Variants in KIF21B observed in about 807,000 individuals in gnomAD.
KIF21B encodes the protein kinesin-like protein KIF21B.
Under a neutral mutation model 192.9 loss-of-function variants are expected in KIF21B, and 85 were observed. That is an observed-to-expected ratio of 0.44 (90% CI 0.37 to 0.53). The LOEUF is 0.53. Among genes scored for constraint, KIF21B ranks in the 20% least tolerant of loss-of-function variants. KIF21B has a pLI of 0.00. For missense variants in KIF21B, 1,716 were observed against 2,194.8 expected (o/e 0.78, Z 4.36); for synonymous variants, 832 against 884.6 (o/e 0.94, Z 1.05).
In KIF21B at chr1:200,974,570, G is replaced by C. The variant is rs902183647; in HGVS notation, c.4814+144C>G. On this transcript the variant is annotated intron_variant, in intron 34 of 34. Transcript: ENST00000461742. ...CTCACTGAAGGCTGGCACAGGCTAG[G>C]TATGCAAAGGAGGCCACCATGGAAT... The C allele has an allele frequency of 3.8e-5, 31 of 810,294 alleles. No homozygotes were observed. In the East Asian group the frequency reaches 7.9e-4, roughly 21 times the overall value. The allele number at this position is 810,294 out of a possible 1,614,324, so 50.2% of individuals were successfully genotyped here. A position where few individuals can be genotyped will look rare whatever the true frequency, so the allele number is the denominator to read the frequency against.
In KIF21B at chr1:200,973,466, A is replaced by G. The variant is rs1655332839; in HGVS notation, c.*55T>C. The G allele has an allele frequency of 2.9e-6, 4 of 1,395,830 alleles. No individual in the cohort carries two copies. Among genetic ancestry groups the G allele is most frequent in the Non-Finnish European group, 3.7e-6 (4 of 1,083,098 alleles). The allele number at this position is 1,395,830 out of a possible 1,614,324, so 86.5% of individuals were successfully genotyped here. On this transcript the variant is annotated 3_prime_UTR_variant, in exon 35 of 35. Transcript: ENST00000461742. ...TCGGCCGGGTCACAGCTTCCCTTCC[A>G]TGGTGTCCAGGCTGCTGGGGTCGAG...
chr1:200,983,470 T>C (rs550028853), intron 27 of KIF21B, among the ~76,000 whole-genome samples: 145 of 152,248 alleles, frequency 9.5e-4, no homozygotes, highest in African/African-American at 3.3e-3. Flanking sequence ...ACCCCAGCAA[T>C]GCTCATACCT....
At position 200,997,920 on chromosome 1, in the gene KIF21B, T is replaced by C. The variant is rs534240582; in HGVS notation, c.2077+464A>G. Reference sequence around the variant, plus strand: ...AGAGCAGGGATTCTGTCCACTCCAATATCTCTAGCACTAGAACAATGTCTG... The same window carrying C: ...AGAGCAGGGATTCTGTCCACTCCAACATCTCTAGCACTAGAACAATGTCTG... On this transcript the variant is annotated intron_variant, in intron 14 of 34. Coordinates refer to ENST00000461742, the MANE Select transcript of KIF21B (RefSeq NM_001252102.2). Among the ~76,000 whole-genome samples the C allele has an allele frequency of 4.6e-5, 7 of 152,334 alleles. No homozygotes were observed. The South Asian group carries it at 1.5e-3, about 32-fold the overall frequency.
At chr1:200,979,017 A>C (rs1386465742) in intron 30 of KIF21B, among the ~76,000 whole-genome samples, 5 of 152,244 alleles carry the variant, frequency 3.3e-5, no homozygotes, top group African/African-American at 1.2e-4. Context: ...TCAAATTAAT[A>C]GACTGTAGCT....
intron 15 of KIF21B, among the ~76,000 whole-genome samples, chr1:200,995,473 A>G (rs1387818583): frequency 6.6e-6 from 1 of 152,216 alleles, no homozygotes; most frequent in South Asian, 2.1e-4. Context: ...CACACCAGAC[A>G]CTGGAAACAC....
rs779310643 is a variant in KIF21B, at chr1:200,999,399, G to C, written c.1835C>G (p.Ser612Trp). 6.2e-7 allele frequency: 1 copy of C among 1,614,060 alleles called. No individual in the cohort carries two copies. The highest frequency in any genetic ancestry group is 8.5e-7 in the Non-Finnish European group (1 of 1,180,016). ...EEGREDEDED[S>W]GSEESLVDSD... ...GTCCACCAGGCTCTCTTCACTGCCCGAGTCCTCATCTTCATCCTCGCGCCC... is the reference window on the plus strand; with the variant it reads ...GTCCACCAGGCTCTCTTCACTGCCCCAGTCCTCATCTTCATCCTCGCGCCC... Residue 612 changes from serine to tryptophan, a missense_variant, in exon 13 of 35, where the codon TCG (serine) becomes TGG (tryptophan). Physicochemically the swap from Ser to Trp is radical, Grantham distance 177. This residue lies in a region of KIF21B where 1,087 missense variants were observed against 1,316.6 expected (regional missense o/e 0.83). Coordinates refer to ENST00000461742, the MANE Select transcript of KIF21B (RefSeq NM_001252102.2). This position sits in a 1 kb window ranked among gnomAD's most constrained non-coding sequence, Gnocchi z 4.7.
intron 28 of KIF21B, 53 bp downstream of exon 28, chr1:200,983,003 G>C: frequency 2.0e-6 from 3 of 1,482,162 alleles, no homozygotes; most frequent in Non-Finnish European, 2.7e-6. Context: ...AGAGAAGAGA[G>C]GGTGCCGAGA....
At chr1:200,996,129 G>A (rs1307582405) in intron 15 of KIF21B, 67 bp downstream of exon 15, 4 of 1,414,446 alleles carry the variant, frequency 2.8e-6, no homozygotes, top group South Asian at 1.2e-5. Flanking sequence ...TTTTTACGAT[G>A]GTGAGTGGAT....
chr1:200,998,132 G>T lies in KIF21B; in HGVS notation c.2077+252C>A, dbSNP rs1334375195. The stretch of plus-strand genomic sequence containing the variant: ...AAGGCTGGGAGTGTCATGTTCGCGT[G>T]CCTAGGTATATAAAGAATTCTAATA... On this transcript the variant is annotated intron_variant, in intron 14 of 34. Coordinates refer to ENST00000461742, the MANE Select transcript of KIF21B (RefSeq NM_001252102.2). This position sits in a 1 kb window ranked among gnomAD's most constrained non-coding sequence, Gnocchi z 4.3. 2.0e-5 allele frequency among the ~76,000 whole-genome samples: 3 copies of T among 152,144 alleles called. No individual in the cohort carries two copies. The highest frequency in any genetic ancestry group is 7.2e-5 in the African/African-American group (3 of 41,432).
rs756584385 is a variant in KIF21B, at chr1:200,987,148, G to A, written c.3462C>T (p.Gly1154=). 4.3e-6 allele frequency: 7 copies of A among 1,613,898 alleles called. No individual in the cohort carries two copies. The East Asian group carries it at 1.1e-4, about 26-fold the overall frequency. ...TCTTGGTGGAGATATCCAGTGGGGG[G>A]CCCAGGCACTCAGCCGACACAGCTT... ...QMKAVSAECL[G]PPLDISTKNI... is the part of the protein sequence containing the mutation. The change falls in exon 25 of 35, where the codon GGC becomes GGT. Residue 1154 remains glycine (G), a synonymous_variant. Transcript: ENST00000461742.
In KIF21B at chr1:200,976,771, G is replaced by C; in HGVS notation, c.4443+5C>G. On this transcript the variant is annotated splice_donor_5th_base_variant and intron_variant, in intron 32 of 34. Transcript: ENST00000461742. ...GCCCCGACCCAGGCCTCATAGCTGA[G>C]GTACCTTAACGTAGTGGTCCTTGGA... 6.3e-7 allele frequency: 1 copy of C among 1,594,834 alleles called. No homozygotes were observed. Among genetic ancestry groups the C allele is most frequent in the Non-Finnish European group, 8.6e-7 (1 of 1,164,010 alleles).
chr1:201,009,189 A>C (rs1470412325), intron 2 of KIF21B, 77 bp downstream of exon 2: 1 of 1,395,852 alleles, frequency 7.2e-7, no homozygotes, highest in Non-Finnish European at 9.9e-7. Flanking sequence ...AGCTGCTCTG[A>C]AGGTGGAGCT....
At chr1:200,980,406 C>T (rs1655838005) in intron 29 of KIF21B, among the ~76,000 whole-genome samples, 1 of 152,224 alleles carries the variant, frequency 6.6e-6, no homozygotes, top group African/African-American at 2.4e-5. Context: ...AGGCACATGT[C>T]ATTGTGACTA....
At chr1:201,002,399 G>GC (rs57886383) in intron 8 of KIF21B, 49 bp from the exon 9 acceptor site, 4 of 1,526,364 alleles carry the variant, frequency 2.6e-6, no homozygotes, top group East Asian at 4.8e-5. Flanking sequence ...GCTCGCGGTT[G>GC]GGGGGGTAAG....
chr1:200,989,912 G>T (rs1475046511), intron 21 of KIF21B, 30 bp downstream of exon 21: 1 of 1,550,766 alleles, frequency 6.4e-7, no homozygotes, highest in South Asian at 1.1e-5. Flanking sequence ...TGCCCATAGA[G>T]CCCCCTGCCC....
At chr1:200,992,480 GC>G in intron 15 of KIF21B, 91 bp from the exon 16 acceptor site, 1 of 1,342,606 alleles carries the variant, frequency 7.4e-7, no homozygotes, top group Non-Finnish European at 1.1e-6. Flanking sequence ...AGGGCATGGG[GC>G]AGGGATAGTG....
At chr1:201,011,939 G>C (rs554071456) in intron 1 of KIF21B, among the ~76,000 whole-genome samples, 22 of 152,366 alleles carry the variant, frequency 1.4e-4, no homozygotes, top group Admixed American at 3.3e-4. Flanking sequence ...AGCCCTGCTT[G>C]TCAGAGCCCT....
chr1:200,999,183 G>A lies in KIF21B; in HGVS notation c.1885+166C>T, dbSNP rs542284613. The stretch of plus-strand genomic sequence containing the variant: ...TGCCTGGCACCTAATGAACGACCAG[G>A]AAGTGTTTGCCATCATTCTCATCAT... On this transcript the variant is annotated intron_variant, in intron 13 of 34. Coordinates refer to ENST00000461742, the MANE Select transcript of KIF21B (RefSeq NM_001252102.2). The surrounding 1 kb of genome is among the most constrained non-coding windows in gnomAD (Gnocchi z 4.7). Among the ~76,000 whole-genome samples the A allele has an allele frequency of 2.0e-5, 3 of 152,178 alleles. No individual in the cohort carries two copies. Among genetic ancestry groups the A allele is most frequent in the Non-Finnish European group, 4.4e-5 (3 of 68,024 alleles).
intron 21 of KIF21B, 137 bp from the exon 22 acceptor site, chr1:200,989,068 C>G (rs1275982823): frequency 3.5e-6 from 3 of 849,388 alleles, no homozygotes; most frequent in Non-Finnish European, 5.3e-6. Context: ...CTGGCACAGA[C>G]CTGAGAGCAC....
Sources: gnomAD v4.1 joint callset for allele counts (sites outside exome capture counted in the v4.1 genomes callset) on GRCh38, gnomAD v4.1.1 for gene constraint, gnomAD v4.1.1 regional missense constraint, Gnocchi (gnomAD v3.1) non-coding constraint, MANE v1.5 for transcripts, NCBI Gene and HGNC (gene_info 2026-07-23, HGNC 2026-07-21) for gene names.